PTPRD: variants seen among roughly 807,000 people sequenced by gnomAD.
PTPRD encodes the protein protein tyrosine phosphatase receptor type D.
Under a neutral mutation model 214.5 loss-of-function variants are expected in PTPRD, and 34 were observed. That is an observed-to-expected ratio of 0.16 (90% CI 0.12 to 0.21). The LOEUF is 0.21. PTPRD is among the 10% of genes least tolerant of loss of function. The pLI, the probability that PTPRD is intolerant of heterozygous loss-of-function variation, is 1.00. For synonymous variants in PTPRD, 1,128 were observed against 845.7 expected, an observed-to-expected ratio of 1.33 and a Z score of -5.79; for missense variants, 2,545 against 2,398.7, an observed-to-expected ratio of 1.06 and a Z score of -1.27.
chr9:9,741,463 T>C (rs1319537003), intron 6 of PTPRD, among the ~76,000 whole-genome samples: 1 of 105,450 alleles, frequency 9.5e-6, no homozygotes, highest in African/African-American at 7.9e-5. Flanking sequence ...TTTTTTTAAA[T>C]TATGATTATA....
At chr9:9,946,862 A>C (rs1368220893) in intron 4 of PTPRD, among the ~76,000 whole-genome samples, 1 of 152,120 alleles carries the variant, frequency 6.6e-6, no homozygotes, top group Non-Finnish European at 1.5e-5. Context: ...AATATGCTTT[A>C]ATTGAAGTGC....
At chr9:8,485,365 A>T in intron 28 of PTPRD, 41 bp from the exon 29 acceptor site, 1 of 1,419,696 alleles carries the variant, frequency 7.0e-7, no homozygotes, top group African/African-American at 1.4e-5. Flanking sequence ...ACTATTCTTA[A>T]AACAGATGAC....
intron 9 of PTPRD, among the ~76,000 whole-genome samples, chr9:9,391,900 G>C (rs2065967825): frequency 1.3e-5 from 2 of 152,022 alleles, no homozygotes; most frequent in South Asian, 4.1e-4. Flanking sequence ...AGAAGACTTT[G>C]GTTCACAGAG....
chr9:10,602,720 A>T (rs62535922), intron 2 of PTPRD, among the ~76,000 whole-genome samples: 19,152 of 151,754 alleles, frequency 0.13, 1,623 homozygotes, highest in Non-Finnish European at 0.19. Flanking sequence ...AATTAAAATG[A>T]CTCTTAGAAG....
chr9:9,844,974 C>A (rs1191013877), intron 5 of PTPRD, among the ~76,000 whole-genome samples: 2 of 148,944 alleles, frequency 1.3e-5, no homozygotes, highest in African/African-American at 4.9e-5. Context: ...ATGCAAGTTA[C>A]CAACTTTAAA....
chr9:9,775,760 G>A (rs866362877), intron 5 of PTPRD, among the ~76,000 whole-genome samples: 13 of 152,082 alleles, frequency 8.5e-5, no homozygotes, highest in Admixed American at 2.6e-4. Context: ...TGGCTAACAC[G>A]GTGAAACCCA....
chr9:9,340,664 T>G (rs1361565490), intron 9 of PTPRD, among the ~76,000 whole-genome samples: 1 of 152,136 alleles, frequency 6.6e-6, no homozygotes, highest in Non-Finnish European at 1.5e-5. Flanking sequence ...TTGAATAGAG[T>G]TGGCCCCAGC....
chr9:10,326,044 C>A (rs939247537), intron 3 of PTPRD, among the ~76,000 whole-genome samples: 29 of 151,596 alleles, frequency 1.9e-4, no homozygotes, highest in African/African-American at 6.8e-4. Context: ...TTTTGATCCA[C>A]TGATTAATTG....
chr9:9,078,645 GT>G (rs138921467), intron 10 of PTPRD, among the ~76,000 whole-genome samples: 2 of 151,708 alleles, frequency 1.3e-5, no homozygotes, highest in Non-Finnish European at 2.9e-5. Context: ...TGTTTAGAAG[GT>G]TTTTTTTACT....
At chr9:9,254,123 T>C (rs529320727) in intron 9 of PTPRD, among the ~76,000 whole-genome samples, 16 of 152,238 alleles carry the variant, frequency 1.1e-4, no homozygotes, top group Middle Eastern at 3.4e-3. Flanking sequence ...TAATTACATC[T>C]TCTAAGCAAA....
chr9:8,702,840 C>A (rs896855463), intron 12 of PTPRD, among the ~76,000 whole-genome samples: 1 of 152,188 alleles, frequency 6.6e-6, no homozygotes, highest in East Asian at 1.9e-4. Flanking sequence ...AACTCCTGAT[C>A]TTGTGATTCG....
intron 2 of PTPRD, among the ~76,000 whole-genome samples, chr9:10,553,984 C>T (rs569624650): frequency 6.6e-6 from 1 of 152,006 alleles, no homozygotes; most frequent in South Asian, 2.1e-4. Flanking sequence ...TCTTTAATAT[C>T]CCCTTTATTA....
chr9:9,599,345 A>T (rs1346732185), intron 7 of PTPRD, among the ~76,000 whole-genome samples: 2 of 152,022 alleles, frequency 1.3e-5, no homozygotes, highest in African/African-American at 4.8e-5. Flanking sequence ...CTTTTAGTAA[A>T]TGTCTGAGTT....
At chr9:8,587,814 T>C (rs1414766416) in intron 14 of PTPRD, among the ~76,000 whole-genome samples, 1 of 152,208 alleles carries the variant, frequency 6.6e-6, no homozygotes, top group Non-Finnish European at 1.5e-5. Flanking sequence ...TAAAGATCCA[T>C]AAATATAAAT....
intron 14 of PTPRD, among the ~76,000 whole-genome samples, chr9:8,626,030 G>A (rs2096020297): frequency 6.6e-6 from 1 of 151,594 alleles, no homozygotes; most frequent in African/African-American, 2.4e-5. Context: ...CGTAATTAGG[G>A]CTTTGATAAT....
intron 6 of PTPRD, among the ~76,000 whole-genome samples, chr9:9,757,412 A>G (rs982975403): frequency 6.6e-6 from 1 of 152,170 alleles, no homozygotes; most frequent in African/African-American, 2.4e-5. Flanking sequence ...AAGCAACTGA[A>G]AACACTAATT....
intron 11 of PTPRD, among the ~76,000 whole-genome samples, chr9:8,950,736 A>T (rs1399277728): frequency 6.6e-6 from 1 of 151,738 alleles, no homozygotes; most frequent in East Asian, 1.9e-4. Context: ...AGCTTGAAAG[A>T]ATCTAAGAGC....
intron 6 of PTPRD, among the ~76,000 whole-genome samples, chr9:9,736,165 T>C (rs71497152): frequency 2.3e-3 from 357 of 152,276 alleles, no homozygotes; most frequent in Non-Finnish European, 4.4e-3. Flanking sequence ...TGTCATTGAA[T>C]ATATTGTACA....
At chr9:9,424,947 C>A (rs990992302) in intron 8 of PTPRD, among the ~76,000 whole-genome samples, 2 of 152,138 alleles carry the variant, frequency 1.3e-5, no homozygotes, top group Non-Finnish European at 2.9e-5. Context: ...TTATTTTTAC[C>A]TACTACTTAA....
Sources: gnomAD v4.1 joint callset for allele counts (sites outside exome capture counted in the v4.1 genomes callset) on GRCh38, gnomAD v4.1.1 for gene constraint, MANE v1.5 for transcripts, NCBI Gene and HGNC (gene_info 2026-07-23, HGNC 2026-07-21) for gene names.